MDGA2: variants seen among roughly 807,000 people sequenced by gnomAD.
MDGA2 encodes MAM domain containing glycosylphosphatidylinositol anchor 2, also known as MAM domain-containing glycosylphosphatidylinositol anchor protein 2.
MDGA2 carries 40 observed loss-of-function variants against 117.8 expected under a neutral mutation model. The ratio of observed to expected loss-of-function variants is 0.34; its 90% confidence interval spans 0.26 to 0.44. The LOEUF is 0.44. Among genes scored for constraint, MDGA2 ranks in the 20% least tolerant of loss-of-function variants. The pLI, the probability that MDGA2 is intolerant of heterozygous loss-of-function variation, is 1.00. For missense variants in MDGA2, 1,123 were observed against 1,250.6 expected (o/e 0.90, Z 1.54); for synonymous variants, 452 against 439.0 (o/e 1.03, Z -0.37).
intron 1 of MDGA2, among the ~76,000 whole-genome samples, chr14:47,419,014 A>G (rs1356386631): frequency 6.6e-6 from 1 of 152,208 alleles, no homozygotes. Context: ...GGTTAAATTT[A>G]AAGAGTATTC....
At chr14:47,190,391 T>C (rs1177012691) in intron 3 of MDGA2, among the ~76,000 whole-genome samples, 1 of 152,212 alleles carries the variant, frequency 6.6e-6, no homozygotes, top group African/African-American at 2.4e-5. Context: ...AGTCAGGACA[T>C]GCTGTATTAT....
At chr14:47,082,595 T>A (rs10873002) in intron 6 of MDGA2, among the ~76,000 whole-genome samples, 47,594 of 151,748 alleles carry the variant, frequency 0.31, 8,248 homozygotes, top group East Asian at 0.53. Flanking sequence ...TATTATAAGA[T>A]AAAGTAATAT....
intron 14 of MDGA2, among the ~76,000 whole-genome samples, chr14:46,861,647 A>C (rs1566495613): frequency 6.6e-6 from 1 of 151,944 alleles, no homozygotes; most frequent in African/African-American, 2.4e-5. Flanking sequence ...AAGAACTACA[A>C]CTGATTGAAA....
At chr14:47,491,813 G>A (rs1894175802) in intron 1 of MDGA2, among the ~76,000 whole-genome samples, 1 of 148,272 alleles carries the variant, frequency 6.7e-6, no homozygotes, top group Non-Finnish European at 1.5e-5. Context: ...AAAAAAAAAA[G>A]ACATTAAAGC....
intron 8 of MDGA2, among the ~76,000 whole-genome samples, chr14:47,033,294 T>C (rs1423093180): frequency 6.6e-6 from 1 of 151,140 alleles, no homozygotes; most frequent in Non-Finnish European, 1.5e-5. Context: ...TAATTTGAAG[T>C]TCGCTAAAGC....
chr14:46,984,732 C>G (rs1408651841), intron 8 of MDGA2, among the ~76,000 whole-genome samples: 1 of 151,958 alleles, frequency 6.6e-6, no homozygotes, highest in Non-Finnish European at 1.5e-5. Flanking sequence ...TTGGAATTGC[C>G]AATTTGCAAA....
intron 3 of MDGA2, among the ~76,000 whole-genome samples, chr14:47,169,121 A>G (rs895997314): frequency 9.9e-5 from 15 of 152,096 alleles, no homozygotes; most frequent in African/African-American, 3.6e-4. Context: ...CCAAATGGGC[A>G]TGGTAAGGTG....
At position 47,355,946 on chromosome 14, in the gene MDGA2, C is replaced by T. The variant is rs149086765; in HGVS notation, c.281-54396G>A. On this transcript the variant is annotated intron_variant, in intron 1 of 16. Transcript: ENST00000399232. Reference sequence around the variant, plus strand: ...TTCTGCTCTCAACCATTAAGGCAACCGCAGTCTCCCAAACCCCACTGAGGT... The same window carrying T: ...TTCTGCTCTCAACCATTAAGGCAACTGCAGTCTCCCAAACCCCACTGAGGT... 9.9e-5 allele frequency among the ~76,000 whole-genome samples: 15 copies of T among 152,276 alleles called. No homozygotes were observed. In the East Asian group the frequency reaches 2.5e-3, roughly 26 times the overall value.
Position 46,925,052 on chromosome 14 carries a change from G to A in MDGA2, c.2090-4892C>T, listed in dbSNP as rs372575924. Among the ~76,000 whole-genome samples the A allele has an allele frequency of 1.2e-3, 177 of 152,272 alleles. 1 individual carries two copies. The highest frequency in any genetic ancestry group is 4.1e-3 in the African/African-American group (170 of 41,564). On this transcript the variant is annotated intron_variant, in intron 9 of 16. Coordinates refer to ENST00000399232, the MANE Select transcript of MDGA2 (RefSeq NM_001113498.3). ...AGTTATAGTTTCAGACATAGGATAT[G>A]CTAGAAAACATTTGACTCTCACCAG...
intron 1 of MDGA2, chr14:47,342,860 A>G (rs1373216060): frequency 8.4e-6 from 3 of 356,166 alleles, no homozygotes; most frequent in African/African-American, 2.1e-5. Context: ...TTCCTTAAAC[A>G]CTTAAAGGCT....
intron 1 of MDGA2, among the ~76,000 whole-genome samples, chr14:47,481,193 T>C (rs1003889808): frequency 1.3e-5 from 2 of 151,988 alleles, no homozygotes; most frequent in Non-Finnish European, 2.9e-5. Flanking sequence ...ATTTTCCACA[T>C]ATAAAGTGAT....
At chr14:47,440,345 G>A (rs1892981873) in intron 1 of MDGA2, among the ~76,000 whole-genome samples, 1 of 152,136 alleles carries the variant, frequency 6.6e-6, no homozygotes, top group African/African-American at 2.4e-5. Flanking sequence ...GAGGGACTAT[G>A]TCCATGGGAC....
intron 8 of MDGA2, among the ~76,000 whole-genome samples, chr14:47,019,306 A>T (rs149443662): frequency 1.5e-3 from 223 of 152,320 alleles, no homozygotes; most frequent in Non-Finnish European, 2.6e-3. Context: ...ACGTAAGTAC[A>T]CAAAACAATA....
chr14:47,365,460 G>A (rs1055361778), intron 1 of MDGA2, among the ~76,000 whole-genome samples: 5 of 152,226 alleles, frequency 3.3e-5, no homozygotes, highest in Non-Finnish European at 5.9e-5. Flanking sequence ...TATGCTGCTG[G>A]CAGCGCAACC....
intron 1 of MDGA2, among the ~76,000 whole-genome samples, chr14:47,396,835 A>G (rs1330457636): frequency 6.6e-6 from 1 of 152,204 alleles, no homozygotes; most frequent in Non-Finnish European, 1.5e-5. Context: ...TTAGGAAACA[A>G]CAGATGCTGG....
At chr14:47,332,281 G>T (rs1011542801) in intron 1 of MDGA2, among the ~76,000 whole-genome samples, 5 of 151,960 alleles carry the variant, frequency 3.3e-5, no homozygotes, top group African/African-American at 1.2e-4. Flanking sequence ...TGACTGGTTT[G>T]CATTCAGAAA....
intron 1 of MDGA2, among the ~76,000 whole-genome samples, chr14:47,595,757 G>A (rs1350915564): frequency 1.3e-5 from 2 of 152,016 alleles, no homozygotes; most frequent in Non-Finnish European, 2.9e-5. Context: ...GCCCACTCTA[G>A]GCAAGGGCAT....
intron 1 of MDGA2, among the ~76,000 whole-genome samples, chr14:47,388,345 G>A (rs139249713): frequency 7.2e-5 from 11 of 152,136 alleles, no homozygotes; most frequent in African/African-American, 9.6e-5. Context: ...CTGAATCCTC[G>A]GATAGTTCCT....
intron 16 of MDGA2, among the ~76,000 whole-genome samples, chr14:46,845,361 G>A (rs896992047): frequency 6.6e-6 from 1 of 152,170 alleles, no homozygotes; most frequent in Non-Finnish European, 1.5e-5. Context: ...ATTACCCAGT[G>A]TTGGGCAGTT....
Sources: gnomAD v4.1 joint callset for allele counts (sites outside exome capture counted in the v4.1 genomes callset) on GRCh38, gnomAD v4.1.1 for gene constraint, MANE v1.5 for transcripts, NCBI Gene and HGNC (gene_info 2026-07-23, HGNC 2026-07-21) for gene names.